Variants in DGKB observed in about 807,000 individuals in gnomAD.
DGKB encodes the protein 90 kDa diacylglycerol kinase.
Under a neutral mutation model 114.3 loss-of-function variants are expected in DGKB, and 67 were observed. The observed-to-expected ratio is 0.59, with a 90% confidence interval of 0.48 to 0.72. The LOEUF (loss-of-function observed/expected upper bound fraction) is 0.72. Among genes scored for constraint, DGKB ranks in the 30% least tolerant of loss-of-function variants. The pLI is 0.00. For missense variants in DGKB, 907 were observed against 975.2 expected (o/e 0.93, Z 0.93); for synonymous variants, 398 against 323.1 (o/e 1.23, Z -2.49).
At chr7:14,661,033 C>G (rs1358959404) in intron 13 of DGKB, among the ~76,000 whole-genome samples, 1 of 150,076 alleles carries the variant, frequency 6.7e-6, no homozygotes, top group Non-Finnish European at 1.5e-5. Flanking sequence ...CCCTTCCTTA[C>G]ACCTTATACA....
chr7:14,388,224 C>G (rs1468943591), intron 21 of DGKB, among the ~76,000 whole-genome samples: 1 of 149,260 alleles, frequency 6.7e-6, no homozygotes, highest in Non-Finnish European at 1.5e-5. Flanking sequence ...AAAAAAAAAT[C>G]TTCTGCAGAT....
rs75757118 is a variant in DGKB at position 14,821,571 on chromosome 7, C to T, written c.70+19623G>A. Among the ~76,000 whole-genome samples the T allele has an allele frequency of 9.2e-3, 1,406 of 152,146 alleles. 17 individuals are homozygous for T. Among genetic ancestry groups the T allele is most frequent in the African/African-American group, 0.032 (1,345 of 41,510 alleles). Reference sequence around the variant, plus strand: ...ATATTCAGAAAAAGGGAGCAGAATACGACAAGACTAGTGTGGCTGATCGTA... The same window carrying T: ...ATATTCAGAAAAAGGGAGCAGAATATGACAAGACTAGTGTGGCTGATCGTA... On this transcript the variant is annotated intron_variant, in intron 2 of 25. Coordinates refer to ENST00000402815, the MANE Select transcript of DGKB (RefSeq NM_001350709.2).
intron 6 of DGKB, among the ~76,000 whole-genome samples, chr7:14,706,928 C>T (rs1266574722): frequency 0.018 from 2,485 of 139,412 alleles, 67 homozygotes; most frequent in African/African-American, 0.065. Flanking sequence ...AGAGCAAACA[C>T]ATTCAAAAGC....
chr7:14,870,510 A>G (rs1015322156), intron 1 of DGKB, among the ~76,000 whole-genome samples: 2 of 152,216 alleles, frequency 1.3e-5, no homozygotes, highest in African/African-American at 4.8e-5. Context: ...AAATTAACAA[A>G]TAATTGGCCA....
At position 14,701,933 on chromosome 7, in the gene DGKB, T is replaced by C. The variant is rs187506271; in HGVS notation, c.467-203A>G. ...AATAGAAATACTGGATAGCATAAAG[T>C]CTATCAAATTTTGTTTGTTTCTAGA... On this transcript the variant is annotated intron_variant, in intron 6 of 25. Transcript: ENST00000402815. Among the ~76,000 whole-genome samples the C allele has an allele frequency of 5.2e-4, 79 of 152,308 alleles. No homozygotes were observed. In the South Asian group the frequency reaches 5.6e-3, roughly 11 times the overall value.
intron 2 of DGKB, among the ~76,000 whole-genome samples, chr7:14,788,875 C>G (rs1388409454): frequency 6.6e-6 from 1 of 152,078 alleles, no homozygotes; most frequent in Non-Finnish European, 1.5e-5. Flanking sequence ...ATAATAAAAC[C>G]TGCTTTTAAA....
At chr7:14,925,499 A>G (rs920339520) in intron 1 of DGKB, among the ~76,000 whole-genome samples, 6 of 152,132 alleles carry the variant, frequency 3.9e-5, no homozygotes, top group Non-Finnish European at 7.3e-5. Flanking sequence ...TGGAGTATTG[A>G]TAGATTTTAT....
At chr7:14,526,047 C>A (rs994776587) in intron 20 of DGKB, among the ~76,000 whole-genome samples, 1 of 152,026 alleles carries the variant, frequency 6.6e-6, no homozygotes, top group African/African-American at 2.4e-5. Context: ...TTTTCAAATT[C>A]AATCACATGT....
intron 13 of DGKB, among the ~76,000 whole-genome samples, chr7:14,655,609 C>G (rs1815616891): frequency 6.6e-6 from 1 of 151,708 alleles, no homozygotes. Flanking sequence ...GCACTATTCA[C>G]TATAGCCAAG....
At chr7:14,864,101 C>CA (rs34612317) in intron 1 of DGKB, among the ~76,000 whole-genome samples, 3,946 of 96,392 alleles carry the variant, frequency 0.041, 85 homozygotes, top group Non-Finnish European at 0.045. Flanking sequence ...AACTCTGTTT[C>CA]AAAAAAAAAA....
chr7:14,466,773 G>A (rs1780537414), intron 21 of DGKB, among the ~76,000 whole-genome samples: 1 of 152,212 alleles, frequency 6.6e-6, no homozygotes, highest in Non-Finnish European at 1.5e-5. Context: ...AGCTGAGATC[G>A]CGCCACTGCA....
At chr7:14,300,546 C>T (rs1326004265) in intron 23 of DGKB, among the ~76,000 whole-genome samples, 2 of 152,042 alleles carry the variant, frequency 1.3e-5, no homozygotes, top group African/African-American at 4.8e-5. Context: ...CATTATAAAG[C>T]CATTTAATGG....
At chr7:14,655,918 T>A (rs1267438446) in intron 13 of DGKB, among the ~76,000 whole-genome samples, 2 of 151,652 alleles carry the variant, frequency 1.3e-5, no homozygotes, top group African/African-American at 4.8e-5. Context: ...GGTTAACTGA[T>A]ACAAAATTAC....
chr7:14,243,513 G>A (rs1439497449), intron 23 of DGKB, among the ~76,000 whole-genome samples: 3 of 152,156 alleles, frequency 2.0e-5, no homozygotes, highest in Non-Finnish European at 4.4e-5. Flanking sequence ...TCAAAGTAAT[G>A]TGTTGCATCC....
At chr7:14,867,199 T>A (rs1182567513) in intron 1 of DGKB, among the ~76,000 whole-genome samples, 1 of 152,212 alleles carries the variant, frequency 6.6e-6, no homozygotes, top group African/African-American at 2.4e-5. Context: ...CACTGATAAT[T>A]GTCTTTCACA....
chr7:14,345,472 G>A, intron 21 of DGKB, 81 bp from the exon 22 acceptor site: 1 of 690,224 alleles, frequency 1.4e-6, no homozygotes, highest in East Asian at 2.8e-5. Flanking sequence ...ACTCTGTCTT[G>A]TGTTATAATA....
chr7:14,164,667 T>C (rs1049397318), intron 25 of DGKB, among the ~76,000 whole-genome samples: 2 of 152,180 alleles, frequency 1.3e-5, no homozygotes, highest in African/African-American at 4.8e-5. Flanking sequence ...GAAACAATAA[T>C]GATGTTGCTA....
At chr7:14,485,891 C>CAA (rs11454311) in intron 20 of DGKB, among the ~76,000 whole-genome samples, 9,747 of 115,246 alleles carry the variant, frequency 0.085, 476 homozygotes, top group East Asian at 0.27. Context: ...AACTCCATCT[C>CAA]AAAAAAAAAA....
At chr7:14,659,942 AG>A (rs1249357406) in intron 13 of DGKB, among the ~76,000 whole-genome samples, 5 of 151,870 alleles carry the variant, frequency 3.3e-5, no homozygotes, top group South Asian at 2.1e-4. Context: ...TTTAGCATGA[AG>A]GGTTGTTGAA....
Sources: allele counts gnomAD v4.1 joint callset (sites outside exome capture counted in the v4.1 genomes callset), GRCh38; gene constraint gnomAD v4.1.1; transcripts MANE v1.5; gene names NCBI Gene and HGNC (gene_info 2026-07-23, HGNC 2026-07-21).